Variants in SLC43A2 observed in about 807,000 individuals in gnomAD.
The protein encoded by SLC43A2 is solute carrier family 43 member 2.
A neutral mutation model predicts 63.2 loss-of-function variants in SLC43A2; 38 were observed. The observed-to-expected ratio is 0.60, with a 90% CI of 0.46 to 0.79. The LOEUF (loss-of-function observed/expected upper bound fraction) is 0.79. Among genes scored for constraint, SLC43A2 ranks in the 30% least tolerant of loss-of-function variants. The probability of loss-of-function intolerance (pLI) is 0.00; values close to 1 mark genes in which losing one functional copy is unlikely to be tolerated. For missense variants in SLC43A2, 644 were observed against 756.2 expected (o/e 0.85, Z 1.74); for synonymous variants, 322 against 331.0 (o/e 0.97, Z 0.30).
In SLC43A2 at chr17:1,599,822, A is replaced by G. The variant is rs188163007; in HGVS notation, c.502-6543T>C. On this transcript the variant is annotated intron_variant, in intron 5 of 13. Transcript: ENST00000301335. ...CACTTTGGGAAGCTGAGGCGGGTGGATCATGAGGTCAGGAGATCGAGACCA... is the reference window on the plus strand; with the variant it reads ...CACTTTGGGAAGCTGAGGCGGGTGGGTCATGAGGTCAGGAGATCGAGACCA... 6.8e-3 allele frequency among the ~76,000 whole-genome samples: 1,028 copies of G among 151,478 alleles called. 22 individuals carry two copies. The highest frequency in any genetic ancestry group is 0.023 in the African/African-American group (959 of 41,290).
At chr17:1,586,928 T>TGGCCCCCCCCCCCCCCCCCC in intron 9 of SLC43A2, 5 of 1,232,864 alleles carry the variant, frequency 4.1e-6, no homozygotes, top group East Asian at 2.8e-5. Context: ...TCCCTGACAA[T>TGGCCCCCCCCCCCCCCCCCC]CCCCCCCACC....
In SLC43A2 at chr17:1,582,734, G is replaced by A. The variant is rs115063506; in HGVS notation, c.1350+470C>T. On this transcript the variant is annotated intron_variant, in intron 11 of 13. Transcript: ENST00000301335. ...GAGCCTGGCAGGGAACAGGCCCTCC[G>A]CAAATAACAAAGGGCTGGTGGGCTG... Among the ~76,000 whole-genome samples the A allele has an allele frequency of 6.8e-3, 1,030 of 152,238 alleles. 17 individuals carry two copies. Among genetic ancestry groups the A allele is most frequent in the African/African-American group, 0.023 (967 of 41,536 alleles).
In SLC43A2 at chr17:1,576,761, G is replaced by A. The variant is rs761551507; in HGVS notation, c.1425-41C>T. On this transcript the variant is annotated intron_variant, in intron 12 of 13. Coordinates refer to ENST00000301335, the MANE Select transcript of SLC43A2 (RefSeq NM_152346.3). Reference sequence around the variant, plus strand: ...CAGCTCACAGCCATCCTGCCTCCTGGGCTTTGCTTGGCCCCAGGTGTCTGG... The same window carrying A: ...CAGCTCACAGCCATCCTGCCTCCTGAGCTTTGCTTGGCCCCAGGTGTCTGG... 1.1e-5 allele frequency: 18 copies of A among 1,596,736 alleles called. No individual in the cohort carries two copies. In the East Asian group the frequency reaches 1.3e-4, roughly 12 times the overall value.
At chr17:1,586,928 T>TGGCCCCCCCCCCCCCCCAAC in intron 9 of SLC43A2, 1 of 1,232,914 alleles carries the variant, frequency 8.1e-7, no homozygotes, top group Non-Finnish European at 1.1e-6. Context: ...TCCCTGACAA[T>TGGCCCCCCCCCCCCCCCAAC]CCCCCCCACC....
At chr17:1,581,754 C>A (rs1296381473) in intron 11 of SLC43A2, among the ~76,000 whole-genome samples, 6 of 152,020 alleles carry the variant, frequency 3.9e-5, no homozygotes, top group Non-Finnish European at 8.8e-5. Context: ...TACTCAAAAT[C>A]TCTGTCAAAA....
At chr17:1,612,205 C>T (rs1907172304) in intron 5 of SLC43A2, among the ~76,000 whole-genome samples, 1 of 152,136 alleles carries the variant, frequency 6.6e-6, no homozygotes, top group South Asian at 2.1e-4. Flanking sequence ...CTCAAGTGAT[C>T]CGCCTGCCTC....
rs183909365 is a variant in SLC43A2, at chr17:1,578,714, G to C, written c.1351-391C>G. On this transcript the variant is annotated intron_variant, in intron 11 of 13. Coordinates refer to ENST00000301335, the MANE Select transcript of SLC43A2 (RefSeq NM_152346.3). The surrounding 1 kb of genome is among the most constrained non-coding windows in gnomAD (Gnocchi z 6.5). ...GGCTAATTTTTGTATTTTTTAAGCA[G>C]AGATGGGGTTTCACCATGTTGGCCC... The C allele has an allele frequency of 4.9e-3, 901 of 182,210 alleles. 10 individuals carry two copies. Among genetic ancestry groups the C allele is most frequent in the African/African-American group, 0.019 (823 of 42,544 alleles). The allele number at this position is 182,210 out of a possible 1,614,324, so 11.3% of individuals were successfully genotyped here. A position where few individuals can be genotyped will look rare whatever the true frequency, so the allele number is the denominator to read the frequency against.
intron 5 of SLC43A2, among the ~76,000 whole-genome samples, chr17:1,594,837 C>A (rs1281878891): frequency 6.6e-6 from 1 of 151,760 alleles, no homozygotes; most frequent in Non-Finnish European, 1.5e-5. Flanking sequence ...ATCCGCCCGC[C>A]TTGGCCTCCC....
chr17:1,629,664 T>C (rs73287194), upstream of SLC43A2, among the ~76,000 whole-genome samples: 25,159 of 152,154 alleles, frequency 0.17, 2,706 homozygotes, highest in East Asian at 0.45. Context: ...CCCTTGATCG[T>C]CATCTGGGTG....
At chr17:1,626,281 A>C (rs1210042394) in intron 2 of SLC43A2, among the ~76,000 whole-genome samples, 2 of 151,668 alleles carry the variant, frequency 1.3e-5, no homozygotes. Flanking sequence ...GAGAGGAAGA[A>C]GTAAACACTC....
In SLC43A2 at chr17:1,570,065, TC is replaced by T. The variant is rs2075823682; in HGVS notation, c.*5538del. On this transcript the variant is annotated 3_prime_UTR_variant, in exon 14 of 14. Transcript: ENST00000301335. ...ACCACGCCCAGCTAATTTTTTTTTTTCGTATTTTTAGTAGAGATGGGGTTTC... is the reference window on the plus strand; with the variant it reads ...ACCACGCCCAGCTAATTTTTTTTTTTGTATTTTTAGTAGAGATGGGGTTTC... 6.6e-6 allele frequency: 1 copy of T among 150,746 alleles called. No homozygotes were observed. Among genetic ancestry groups the T allele is most frequent in the Non-Finnish European group, 1.5e-5 (1 of 67,642 alleles). The allele number at this position is 150,746 out of a possible 1,614,324, so 9.3% of individuals were successfully genotyped here.
At chr17:1,623,641 TGTACCCTCCTCTCCTCCAGGGC>T (rs1567651108) in intron 2 of SLC43A2, among the ~76,000 whole-genome samples, 2 of 141,296 alleles carry the variant, frequency 1.4e-5, no homozygotes, top group Non-Finnish European at 1.5e-5. Flanking sequence ...TCCTCCAGGC[TGTACCCTCCTCTCCTCCAGGGC>T]GTACCCTCCT....
intron 9 of SLC43A2, among the ~76,000 whole-genome samples, chr17:1,589,738 C>A (rs1904574034): frequency 6.6e-6 from 1 of 152,124 alleles, no homozygotes; most frequent in African/African-American, 2.4e-5. Context: ...TCTGCTTCAG[C>A]CTTCCAAGTA....
intron 2 of SLC43A2, among the ~76,000 whole-genome samples, chr17:1,623,752 GTACCCTCCTCTCCTCCAGGC>G (rs1263490166): frequency 2.3e-5 from 3 of 128,634 alleles, no homozygotes; most frequent in Non-Finnish European, 5.0e-5. Context: ...CCTCCAGGCT[GTACCCTCCTCTCCTCCAGGC>G]TGTACCCTCC....
rs199849539 is a variant in SLC43A2 at position 1,599,373 on chromosome 17, TG to T, written c.502-6095del. Among the ~76,000 whole-genome samples the T allele has an allele frequency of 9.2e-3, 1,392 of 151,140 alleles. 22 individuals carry two copies. Among genetic ancestry groups the T allele is most frequent in the African/African-American group, 0.032 (1,318 of 41,188 alleles). On this transcript the variant is annotated intron_variant, in intron 5 of 13. Coordinates refer to ENST00000301335, the MANE Select transcript of SLC43A2 (RefSeq NM_152346.3). ...AAAGAAAAGCATATCCATTGCAAAA[TG>T]TTTGGAGCAAAGTATAAAAAGAATA... is the stretch of plus-strand genomic sequence containing the variant.
rs1474589141 is a variant in SLC43A2 at position 1,575,214 on chromosome 17, A to G, written c.*390T>C. ...TCCTCAGGCAGGTACGGCTGTGGGC[A>G]TGCAGCCGAGGGGCAGGTGGCAGGC... is the stretch of plus-strand genomic sequence containing the variant. On this transcript the variant is annotated 3_prime_UTR_variant, in exon 14 of 14. Transcript: ENST00000301335. 3.0e-6 allele frequency: 1 copy of G among 328,490 alleles called. No homozygotes were observed. The highest frequency in any genetic ancestry group is 2.2e-5 in the African/African-American group (1 of 45,284). The allele number at this position is 328,490 out of a possible 1,614,324, so 20.3% of individuals were successfully genotyped here.
chr17:1,581,932 G>A (rs1023754145), intron 11 of SLC43A2, among the ~76,000 whole-genome samples: 8 of 150,316 alleles, frequency 5.3e-5, no homozygotes, highest in Non-Finnish European at 1.0e-4. Flanking sequence ...CAGCCCTCCT[G>A]AGTAGCTGGG....
At chr17:1,588,386 CA>C (rs985832646) in intron 9 of SLC43A2, among the ~76,000 whole-genome samples, 62 of 144,096 alleles carry the variant, frequency 4.3e-4, no homozygotes, top group Admixed American at 1.2e-3. Flanking sequence ...AAATCCATGT[CA>C]AAAAAAAAAG....
Position 1,627,811 on chromosome 17 carries a change from C to A in SLC43A2, c.64G>T (p.Glu22Ter). 1 of 1,595,582 alleles carries A rather than the reference C, an allele frequency of 6.3e-7. No individual in the cohort carries two copies. Among genetic ancestry groups the A allele is most frequent in the East Asian group, 2.3e-5 (1 of 43,976 alleles). Residue 22 changes from glutamate (E) to a stop codon, truncating the protein, a stop_gained, in exon 2 of 14, where the codon GAG (glutamate) becomes TAG (stop). Transcript: ENST00000301335. LOFTEE classifies it high-confidence loss of function. ...RWWMACTAVL[E>*]NLLFSAVLLG... ...AGGACTGCCGAGAAGAGGAGGTTCT[C>A]CAGCACGGCCGTGCAGGCCATCCAC...
Sources: allele counts gnomAD v4.1 joint callset (sites outside exome capture counted in the v4.1 genomes callset), GRCh38; gene constraint gnomAD v4.1.1; non-coding constraint Gnocchi (gnomAD v3.1); transcripts MANE v1.5; gene names NCBI Gene and HGNC (gene_info 2026-07-23, HGNC 2026-07-21).